Variants in B3GALT1 observed in about 807,000 individuals in gnomAD.
B3GALT1 encodes UDP-Gal:betaGlcNAc beta 1,3-galactosyltransferase, polypeptide 1.
In B3GALT1, 10 loss-of-function variants were observed where a neutral mutation model predicts 23.2. That is an observed-to-expected ratio of 0.43 (90% CI 0.27 to 0.73). B3GALT1 has a LOEUF of 0.73. B3GALT1 is among the 30% of genes least tolerant of loss of function. B3GALT1 has a pLI of 0.21. For synonymous variants in B3GALT1, 156 were observed against 141.5 expected, an observed-to-expected ratio of 1.10 and a Z score of -0.73; for missense variants, 299 against 405.4, an observed-to-expected ratio of 0.74 and a Z score of 2.25.
At chr2:167,305,454 C>G (rs1175064826) in intron 1 of B3GALT1, among the ~76,000 whole-genome samples, 1 of 152,064 alleles carries the variant, frequency 6.6e-6, no homozygotes, top group Non-Finnish European at 1.5e-5. Context: ...CTGTAAAGCT[C>G]TTGTGCATAT....
intron 3 of B3GALT1, among the ~76,000 whole-genome samples, chr2:167,735,186 A>G (rs1192935522): frequency 6.6e-6 from 1 of 152,262 alleles, no homozygotes. Context: ...CCACACAGAG[A>G]AATAGCTTAG....
At chr2:167,726,399 C>T (rs1687316473) in intron 3 of B3GALT1, among the ~76,000 whole-genome samples, 1 of 152,150 alleles carries the variant, frequency 6.6e-6, no homozygotes, top group South Asian at 2.1e-4. Context: ...GGCATATTGC[C>T]CTGCCCAAGA....
At chr2:167,684,832 A>G (rs1371283672) in intron 3 of B3GALT1, among the ~76,000 whole-genome samples, 2 of 152,362 alleles carry the variant, frequency 1.3e-5, no homozygotes, top group African/African-American at 4.8e-5. Flanking sequence ...ATCAGATGGC[A>G]GTGATGCCAC....
chr2:167,819,078 G>A (rs371894737), intron 4 of B3GALT1, among the ~76,000 whole-genome samples: 2 of 151,830 alleles, frequency 1.3e-5, no homozygotes, highest in East Asian at 3.9e-4. Flanking sequence ...AAAGATACAG[G>A]AGAAAAAAAC....
At chr2:167,705,823 T>A (rs1332224247) in intron 3 of B3GALT1, among the ~76,000 whole-genome samples, 1 of 152,202 alleles carries the variant, frequency 6.6e-6, no homozygotes, top group Non-Finnish European at 1.5e-5. Context: ...CATGTGGCTA[T>A]TTACTTTTAA....
chr2:167,750,910 G>C (rs922728290), intron 3 of B3GALT1, among the ~76,000 whole-genome samples: 1 of 152,066 alleles, frequency 6.6e-6, no homozygotes. Context: ...CAAGCAGTGA[G>C]ATGAAGTAAT....
intron 2 of B3GALT1, among the ~76,000 whole-genome samples, chr2:167,500,546 T>C (rs1270092788): frequency 2.0e-5 from 3 of 152,058 alleles, no homozygotes; most frequent in Admixed American, 2.0e-4. Flanking sequence ...ATATCCAGAT[T>C]TTCTGGTTAT....
chr2:167,571,512 G>C (rs1684293494), intron 2 of B3GALT1, among the ~76,000 whole-genome samples: 1 of 151,742 alleles, frequency 6.6e-6, no homozygotes, highest in East Asian at 1.9e-4. Flanking sequence ...CATTTACTTG[G>C]AAAAAAGAGA....
At chr2:167,794,321 A>T (rs1688503113) in intron 3 of B3GALT1, among the ~76,000 whole-genome samples, 1 of 152,216 alleles carries the variant, frequency 6.6e-6, no homozygotes, top group African/African-American at 2.4e-5. Flanking sequence ...GTTGAATTTG[A>T]TGTTTTTAAT....
At chr2:167,382,589 CA>C (rs1298553355) in intron 1 of B3GALT1, among the ~76,000 whole-genome samples, 1 of 152,032 alleles carries the variant, frequency 6.6e-6, no homozygotes, top group East Asian at 1.9e-4. Flanking sequence ...CAGTACTTTT[CA>C]AAAAACAACC....
intron 2 of B3GALT1, among the ~76,000 whole-genome samples, chr2:167,571,499 C>T (rs1015043386): frequency 6.6e-6 from 1 of 151,850 alleles, no homozygotes; most frequent in East Asian, 1.9e-4. Context: ...GAGGCAGGTT[C>T]AGCATTTACT....
rs1464201530 is a variant in B3GALT1 at position 167,462,521 on chromosome 2, A to G, written c.-510-27656A>G. Among the ~76,000 whole-genome samples, 7 of 152,120 alleles carry G rather than the reference A, an allele frequency of 4.6e-5. No individual in the cohort carries two copies. The East Asian group carries it at 1.2e-3, about 25-fold the overall frequency. ...TCATTTCCATCCATTCCTCTTTTCC[A>G]TAATCAAATTATTTTTCCCCTAAAA... is the stretch of plus-strand genomic sequence containing the variant. On this transcript the variant is annotated intron_variant, in intron 1 of 4. Coordinates refer to ENST00000392690, the MANE Select transcript of B3GALT1 (RefSeq NM_020981.4).
At chr2:167,553,645 T>C (rs940634565) in intron 2 of B3GALT1, among the ~76,000 whole-genome samples, 4 of 152,180 alleles carry the variant, frequency 2.6e-5, no homozygotes, top group East Asian at 1.9e-4. Context: ...CTGGACCATA[T>C]AGGGGCTTAG....
chr2:167,497,197 T>C (rs962145004), intron 2 of B3GALT1, among the ~76,000 whole-genome samples: 1 of 152,164 alleles, frequency 6.6e-6, no homozygotes, highest in Non-Finnish European at 1.5e-5. Flanking sequence ...TTTAGAACTG[T>C]TGTACAAAAA....
At chr2:167,513,394 C>A (rs1700058109) in intron 2 of B3GALT1, among the ~76,000 whole-genome samples, 2 of 152,048 alleles carry the variant, frequency 1.3e-5, no homozygotes, top group Admixed American at 6.6e-5. Context: ...ATACAAAGGA[C>A]AACAAACGCA....
intron 3 of B3GALT1, among the ~76,000 whole-genome samples, chr2:167,682,165 C>G (rs1193376777): frequency 6.6e-6 from 1 of 152,070 alleles, no homozygotes; most frequent in Non-Finnish European, 1.5e-5. Flanking sequence ...ACTGTTGCAT[C>G]CTCCCTGTCT....
At chr2:167,657,039 G>A (rs1345764242) in intron 3 of B3GALT1, among the ~76,000 whole-genome samples, 2 of 151,958 alleles carry the variant, frequency 1.3e-5, no homozygotes, top group African/African-American at 4.8e-5. Flanking sequence ...CAATGATAGG[G>A]GAAAAAAATG....
intron 3 of B3GALT1, among the ~76,000 whole-genome samples, chr2:167,660,574 A>G (rs1286139264): frequency 6.6e-6 from 1 of 152,130 alleles, no homozygotes; most frequent in African/African-American, 2.4e-5. Context: ...TAACTCATGA[A>G]TGGACTGTGT....
intron 2 of B3GALT1, among the ~76,000 whole-genome samples, chr2:167,514,711 T>C (rs1409923936): frequency 6.6e-6 from 1 of 152,196 alleles, no homozygotes; most frequent in Non-Finnish European, 1.5e-5. Context: ...ATGTAGACTT[T>C]AGAATCAAGC....
Sources: gnomAD v4.1 joint callset for allele counts (sites outside exome capture counted in the v4.1 genomes callset) on GRCh38, gnomAD v4.1.1 for gene constraint, MANE v1.5 for transcripts, NCBI Gene and HGNC (gene_info 2026-07-23, HGNC 2026-07-21) for gene names.